Variants in TTLL5 observed in about 807,000 individuals in gnomAD.
TTLL5 encodes tubulin polyglutamylase TTLL5.
TTLL5 carries 132 observed loss-of-function variants against 168.4 expected under a neutral mutation model. The observed-to-expected ratio is 0.78, with a 90% confidence interval of 0.68 to 0.91. The LOEUF (loss-of-function observed/expected upper bound fraction) is 0.91, where lower values mean the gene tolerates loss of function less well. TTLL5 is among the 40% of genes least tolerant of loss of function. The pLI is 0.00. For synonymous variants in TTLL5, 546 were observed against 558.6 expected (o/e 0.98, Z 0.32); for missense variants, 1,545 against 1,581.5 (o/e 0.98, Z 0.39).
At chr14:75,667,073 T>C (rs1883314553) in intron 2 of TTLL5, among the ~76,000 whole-genome samples, 1 of 152,234 alleles carries the variant, frequency 6.6e-6, no homozygotes, top group Admixed American at 6.5e-5. Context: ...AAGTGCTTTT[T>C]TTTTTTAGCT....
chr14:75,735,049 A>C, intron 14 of TTLL5, 146 bp from the exon 15 acceptor site: 2 of 685,840 alleles, frequency 2.9e-6, no homozygotes, highest in Non-Finnish European at 2.6e-6. Flanking sequence ...TGTGTGTGGG[A>C]GAGTTGTGCA....
At chr14:75,909,433 T>A (rs2033279083) in intron 31 of TTLL5, among the ~76,000 whole-genome samples, 1 of 151,670 alleles carries the variant, frequency 6.6e-6, no homozygotes, top group Admixed American at 6.6e-5. Context: ...GCAAAGGTTC[T>A]GACCTAGGCT....
At chr14:75,816,496 T>C (rs923175082) in intron 27 of TTLL5, among the ~76,000 whole-genome samples, 4 of 152,236 alleles carry the variant, frequency 2.6e-5, no homozygotes, top group Non-Finnish European at 5.9e-5. Context: ...CATATGATGA[T>C]GTTTAAATTA....
At chr14:75,773,966 AGAGAGAGAGAG>A (rs1891550727) in intron 21 of TTLL5, among the ~76,000 whole-genome samples, 29 of 122,420 alleles carry the variant, frequency 2.4e-4, no homozygotes, top group African/African-American at 8.5e-4. Flanking sequence ...AAAGAGAGAG[AGAGAGAGAGAG>A]AGAGAGAGAG....
intron 5 of TTLL5, chr14:75,684,964 T>C (rs1884925828): frequency 6.6e-6 from 1 of 152,242 alleles, no homozygotes; most frequent in Non-Finnish European, 1.5e-5. Flanking sequence ...GTACATACGT[T>C]AACTTCATTA....
At position 75,816,391 on chromosome 14, in the gene TTLL5, A is replaced by G. The variant is rs116917113; in HGVS notation, c.3172-3616A>G. Among the ~76,000 whole-genome samples, 14 of 152,278 alleles carry G rather than the reference A, an allele frequency of 9.2e-5. No homozygotes were observed. The East Asian group carries it at 2.5e-3, about 27-fold the overall frequency. ...GCCAAGATTACGCCACTGCACTCCA[A>G]CAGAGTGAGACTCTGTCTCCAAACA... On this transcript the variant is annotated intron_variant, in intron 27 of 31. Coordinates refer to ENST00000298832, the MANE Select transcript of TTLL5 (RefSeq NM_015072.5).
At chr14:75,823,870 G>C (rs549659696) in intron 28 of TTLL5, among the ~76,000 whole-genome samples, 7 of 152,282 alleles carry the variant, frequency 4.6e-5, no homozygotes, top group African/African-American at 1.7e-4. Context: ...ATGTCACCCT[G>C]TCCTTCTGCC....
Position 75,720,612 on chromosome 14 carries a change from A to G in TTLL5, c.951A>G (p.Val317=), listed in dbSNP as rs1389938142. 7.8e-5 allele frequency: 126 copies of G among 1,613,372 alleles called. No individual in the cohort carries two copies. Among genetic ancestry groups the G allele is most frequent in the Non-Finnish European group, 1.0e-4 (120 of 1,179,580 alleles). The change falls in exon 12 of 32, where the codon GTA becomes GTG. Residue 317 remains valine, a synonymous_variant. Transcript: ENST00000298832. ...TGTTTGCAGCATTGATGGCCCATGT[A>G]GAAGACCTGATCATTAAGACTATAA... The part of the protein sequence containing the change: ...GRDTTALMAH[V]EDLIIKTIIS...
At chr14:75,861,045 G>C (rs539159564) in intron 28 of TTLL5, among the ~76,000 whole-genome samples, 6 of 152,250 alleles carry the variant, frequency 3.9e-5, no homozygotes, top group African/African-American at 1.4e-4. Context: ...TTAACTGTCT[G>C]ATAACATGCA....
intron 28 of TTLL5, among the ~76,000 whole-genome samples, chr14:75,858,683 G>T (rs560854451): frequency 6.6e-6 from 1 of 152,302 alleles, no homozygotes; most frequent in African/African-American, 2.4e-5. Context: ...GGAAAAGTTT[G>T]ACTTTTGGAA....
chr14:75,854,333 A>G (rs1897027168), intron 28 of TTLL5, among the ~76,000 whole-genome samples: 1 of 152,126 alleles, frequency 6.6e-6, no homozygotes, highest in Non-Finnish European at 1.5e-5. Context: ...TTTGAGATTC[A>G]TCTGTTTTGT....
intron 30 of TTLL5, among the ~76,000 whole-genome samples, chr14:75,883,671 T>C (rs1253142582): frequency 1.3e-5 from 2 of 152,258 alleles, no homozygotes; most frequent in Non-Finnish European, 2.9e-5. Context: ...TAAATCAAAT[T>C]CTGGATTTAG....
At chr14:75,934,890 A>G (rs1305405456) in intron 31 of TTLL5, among the ~76,000 whole-genome samples, 1 of 152,248 alleles carries the variant, frequency 6.6e-6, no homozygotes, top group Non-Finnish European at 1.5e-5. Flanking sequence ...CATAATACCC[A>G]AAGAGCTTTT....
chr14:75,776,960 C>T, intron 23 of TTLL5, 110 bp downstream of exon 23: 1 of 902,418 alleles, frequency 1.1e-6, no homozygotes. Context: ...TGAAATCACT[C>T]TTAAAGCCGG....
chr14:75,718,525 A>T (rs1381620795), intron 10 of TTLL5, among the ~76,000 whole-genome samples: 2 of 152,104 alleles, frequency 1.3e-5, no homozygotes, highest in East Asian at 3.9e-4. Context: ...AGGGGGGAGG[A>T]AAAAAAGACC....
intron 12 of TTLL5, among the ~76,000 whole-genome samples, chr14:75,723,932 T>C (rs1278458501): frequency 6.6e-6 from 1 of 152,182 alleles, no homozygotes; most frequent in Non-Finnish European, 1.5e-5. Context: ...TGATTTTGTA[T>C]ACGTGTGTAT....
At chr14:75,718,130 G>C (rs1203889032) in intron 10 of TTLL5, among the ~76,000 whole-genome samples, 168 bp downstream of exon 10, 1 of 152,162 alleles carries the variant, frequency 6.6e-6, no homozygotes, top group Non-Finnish European at 1.5e-5. Flanking sequence ...ATCTCCTGCT[G>C]CTTCTCCATT....
At chr14:75,826,961 G>C (rs571461926) in intron 28 of TTLL5, among the ~76,000 whole-genome samples, 1 of 151,924 alleles carries the variant, frequency 6.6e-6, no homozygotes, top group Non-Finnish European at 1.5e-5. Flanking sequence ...GACTCTCAGC[G>C]TATTACCTAC....
chr14:75,674,747 A>G (rs1192845000), intron 3 of TTLL5, among the ~76,000 whole-genome samples: 2 of 152,148 alleles, frequency 1.3e-5, no homozygotes, highest in Admixed American at 6.5e-5. Flanking sequence ...TTGTATTTGT[A>G]TATACTAGCA....
Sources: allele counts gnomAD v4.1 joint callset (sites outside exome capture counted in the v4.1 genomes callset), GRCh38; gene constraint gnomAD v4.1.1; transcripts MANE v1.5; gene names NCBI Gene and HGNC (gene_info 2026-07-23, HGNC 2026-07-21).